CSMD1: variants seen among roughly 807,000 people sequenced by gnomAD.
The protein encoded by CSMD1 is CUB and sushi domain-containing protein 1.
A neutral mutation model predicts 417.5 loss-of-function variants in CSMD1; 213 were observed. That is an observed-to-expected ratio of 0.51 (90% CI 0.46 to 0.57). CSMD1 has a LOEUF of 0.57. Ranked by LOEUF, CSMD1 falls within the 20% of genes least tolerant of loss-of-function variation. The pLI is 0.00. For synonymous variants in CSMD1, 2,862 were observed against 1,736.8 expected (o/e 1.65, Z -16.11); for missense variants, 6,923 against 4,529.7 (o/e 1.53, Z -15.17).
At chr8:4,357,881 CAT>C (rs1801518920) in intron 3 of CSMD1, among the ~76,000 whole-genome samples, 1 of 151,966 alleles carries the variant, frequency 6.6e-6, no homozygotes, top group Non-Finnish European at 1.5e-5. Context: ...ATGCTAAAAT[CAT>C]AGACGTATAA....
intron 7 of CSMD1, among the ~76,000 whole-genome samples, chr8:3,678,888 T>A (rs1324358640): frequency 6.6e-6 from 1 of 152,166 alleles, no homozygotes; most frequent in African/African-American, 2.4e-5. Flanking sequence ...ATATTCAACA[T>A]TCTTAAAGAA....
intron 18 of CSMD1, among the ~76,000 whole-genome samples, chr8:3,371,366 C>T (rs1006940754): frequency 2.0e-5 from 3 of 152,118 alleles, no homozygotes; most frequent in African/African-American, 7.2e-5. Context: ...CTCATTCCTG[C>T]TTGCTGAAGA....
At chr8:3,114,393 G>C (rs1479762799) in intron 42 of CSMD1, among the ~76,000 whole-genome samples, 1 of 150,744 alleles carries the variant, frequency 6.6e-6, no homozygotes, top group Non-Finnish European at 1.5e-5. Context: ...ATATTAAAAA[G>C]CTAATAAATA....
chr8:3,792,803 T>C (rs1017863937), intron 5 of CSMD1, among the ~76,000 whole-genome samples: 6 of 152,340 alleles, frequency 3.9e-5, no homozygotes, highest in African/African-American at 1.4e-4. Context: ...CATATATTGA[T>C]AATGACAGAG....
At chr8:4,583,368 T>C (rs2725034) in intron 2 of CSMD1, among the ~76,000 whole-genome samples, 53,163 of 151,822 alleles carry the variant, frequency 0.35, 9,526 homozygotes, top group African/African-American at 0.42. Context: ...GCATTCTGTA[T>C]CTAGCTCAAG....
At chr8:3,877,269 C>A (rs533942374) in intron 5 of CSMD1, among the ~76,000 whole-genome samples, 21 of 152,194 alleles carry the variant, frequency 1.4e-4, no homozygotes, top group Non-Finnish European at 2.1e-4. Context: ...CCTGGTGTGG[C>A]CCTTGATGCG....
At chr8:4,456,176 G>C (rs1005787937) in intron 2 of CSMD1, among the ~76,000 whole-genome samples, 3 of 151,544 alleles carry the variant, frequency 2.0e-5, no homozygotes, top group African/African-American at 4.9e-5. Flanking sequence ...TTTGGAAAAA[G>C]CATGACACAA....
chr8:4,746,789 C>T (rs1021424099), intron 1 of CSMD1, among the ~76,000 whole-genome samples: 1 of 152,156 alleles, frequency 6.6e-6, no homozygotes, highest in Non-Finnish European at 1.5e-5. Flanking sequence ...AGGCATCATA[C>T]CATCAAAAGA....
At chr8:4,642,186 C>T (rs752060964) in intron 1 of CSMD1, among the ~76,000 whole-genome samples, 5 of 152,136 alleles carry the variant, frequency 3.3e-5, no homozygotes, top group South Asian at 2.1e-4. Flanking sequence ...TTCGGGGCCC[C>T]GGTGAGCCAT....
intron 2 of CSMD1, among the ~76,000 whole-genome samples, chr8:4,529,780 G>T (rs1796697886): frequency 6.6e-6 from 1 of 151,722 alleles, no homozygotes; most frequent in South Asian, 2.1e-4. Flanking sequence ...TTTCAGAACT[G>T]CTGCCGTAGA....
At chr8:4,232,621 A>G (rs530351856) in intron 3 of CSMD1, among the ~76,000 whole-genome samples, 10 of 152,286 alleles carry the variant, frequency 6.6e-5, no homozygotes, top group Non-Finnish European at 1.2e-4. Context: ...CTTGCTGCAA[A>G]TTAGATGAAG....
intron 3 of CSMD1, among the ~76,000 whole-genome samples, chr8:4,125,795 C>G (rs1802729632): frequency 6.6e-6 from 1 of 150,946 alleles, no homozygotes; most frequent in Non-Finnish European, 1.5e-5. Flanking sequence ...ATCAATTGAT[C>G]AATTGATAAC....
intron 5 of CSMD1, among the ~76,000 whole-genome samples, chr8:3,848,057 T>C (rs1803630453): frequency 6.8e-6 from 1 of 147,598 alleles, no homozygotes; most frequent in Admixed American, 6.8e-5. Context: ...CTTCTTACCA[T>C]CCTGGTGATA....
intron 2 of CSMD1, among the ~76,000 whole-genome samples, chr8:4,448,138 G>A (rs550232471): frequency 6.6e-6 from 1 of 152,254 alleles, no homozygotes; most frequent in South Asian, 2.1e-4. Context: ...TTTTACCAAT[G>A]TGTATCGCTC....
intron 5 of CSMD1, among the ~76,000 whole-genome samples, chr8:3,963,983 G>C (rs922312549): frequency 2.6e-5 from 4 of 152,182 alleles, no homozygotes; most frequent in African/African-American, 9.7e-5. Context: ...AAGTCAAACA[G>C]AATGAGTTGA....
chr8:4,123,412 G>C (rs1227396915), intron 3 of CSMD1, among the ~76,000 whole-genome samples: 1 of 152,084 alleles, frequency 6.6e-6, no homozygotes, highest in African/African-American at 2.4e-5. Context: ...TATTTCATTT[G>C]CTTTACTGTT....
chr8:2,990,471 G>T (rs1806281961), intron 54 of CSMD1, among the ~76,000 whole-genome samples: 1 of 152,018 alleles, frequency 6.6e-6, no homozygotes, highest in African/African-American at 2.4e-5. Flanking sequence ...ATTTTCCATA[G>T]CCCCTGACTT....
intron 3 of CSMD1, among the ~76,000 whole-genome samples, chr8:4,189,982 G>A (rs990681330): frequency 2.6e-5 from 4 of 152,032 alleles, no homozygotes; most frequent in Admixed American, 6.5e-5. Flanking sequence ...AGACTCGCCA[G>A]GTGTGGTGGC....
intron 42 of CSMD1, chr8:3,113,478 T>A (rs1342226920): frequency 6.6e-6 from 1 of 152,204 alleles, no homozygotes; most frequent in East Asian, 1.9e-4. Context: ...ATAAGAAAGC[T>A]ACATATTTTG....
Sources: gnomAD v4.1 joint callset for allele counts (sites outside exome capture counted in the v4.1 genomes callset) on GRCh38, gnomAD v4.1.1 for gene constraint, MANE v1.5 for transcripts, NCBI Gene and HGNC (gene_info 2026-07-23, HGNC 2026-07-21) for gene names.